Variants in CUX1 observed in about 807,000 individuals in gnomAD.
CUX1 encodes the protein protein CASP.
A neutral mutation model predicts 158.8 loss-of-function variants in CUX1; 31 were observed. That is an observed-to-expected ratio of 0.20 (90% CI 0.15 to 0.26). CUX1 has a LOEUF of 0.26. CUX1 is among the 10% of genes least tolerant of loss of function. The pLI, the probability that CUX1 is intolerant of heterozygous loss-of-function variation, is 1.00. For missense variants in CUX1, 1,589 were observed against 2,014.6 expected (o/e 0.79, Z 4.04); for synonymous variants, 879 against 862.1 (o/e 1.02, Z -0.34).
chr7:101,968,026 TC>T (rs1438336255), intron 2 of CUX1, among the ~76,000 whole-genome samples: 1 of 152,100 alleles, frequency 6.6e-6, no homozygotes, highest in African/African-American at 2.4e-5. Context: ...TGCCTCAGCC[TC>T]CCAAGTAGCT....
At chr7:102,133,692 G>T (rs1395522645) in intron 8 of CUX1, among the ~76,000 whole-genome samples, 38 of 151,930 alleles carry the variant, frequency 2.5e-4, no homozygotes, top group African/African-American at 8.7e-4. Flanking sequence ...GGCCAGGCTG[G>T]TCTTGAACTC....
At chr7:102,239,700 C>G (rs553544691) in intron 23 of CUX1, 116 bp downstream of exon 23, 1 of 1,216,566 alleles carries the variant, frequency 8.2e-7, no homozygotes, top group Non-Finnish European at 1.1e-6. Context: ...GCGCTGGGAG[C>G]TCGGTGATTG....
chr7:101,837,413 C>T (rs1324253485), intron 1 of CUX1, among the ~76,000 whole-genome samples: 1 of 152,174 alleles, frequency 6.6e-6, no homozygotes, highest in Non-Finnish European at 1.5e-5. Flanking sequence ...CTCAGTGAGT[C>T]TGTCAACTCA....
chr7:101,870,481 G>C (rs1395098807), intron 1 of CUX1, among the ~76,000 whole-genome samples: 3 of 152,116 alleles, frequency 2.0e-5, no homozygotes, highest in Non-Finnish European at 2.9e-5. Flanking sequence ...TAGTTTTAAA[G>C]AGGGGGTGGT....
chr7:102,192,664 G>A (rs1365352842), intron 12 of CUX1, among the ~76,000 whole-genome samples: 8 of 152,134 alleles, frequency 5.3e-5, no homozygotes, highest in African/African-American at 1.9e-4. Flanking sequence ...TCCAGGTGTG[G>A]TGGCTCACAC....
intron 1 of CUX1, among the ~76,000 whole-genome samples, chr7:101,820,986 G>T (rs959199212): frequency 1.3e-5 from 2 of 152,200 alleles, no homozygotes; most frequent in Non-Finnish European, 2.9e-5. Flanking sequence ...CAAAGCAGTC[G>T]TGCTGGGCGC....
chr7:101,903,788 G>A (rs975176670), intron 1 of CUX1, among the ~76,000 whole-genome samples: 7 of 151,978 alleles, frequency 4.6e-5, no homozygotes, highest in African/African-American at 1.7e-4. Context: ...GGATACATCT[G>A]GCATTTTCAT....
chr7:102,180,219 C>T (rs1554513527), intron 11 of CUX1, among the ~76,000 whole-genome samples: 1 of 151,794 alleles, frequency 6.6e-6, no homozygotes, highest in Admixed American at 6.6e-5. Context: ...GGCGGGGTTT[C>T]ACCATGTTGG....
intron 2 of CUX1, among the ~76,000 whole-genome samples, chr7:101,962,946 C>G (rs1810694758): frequency 1.3e-5 from 2 of 152,164 alleles, no homozygotes; most frequent in Admixed American, 1.3e-4. Flanking sequence ...GACTCAAACT[C>G]CTGGCCTCAA....
chr7:101,914,256 A>G (rs1045675218), intron 1 of CUX1, among the ~76,000 whole-genome samples: 1 of 147,626 alleles, frequency 6.8e-6, no homozygotes, highest in Non-Finnish European at 1.5e-5. Context: ...GTGTGGTGGT[A>G]TCTTCCCCTC....
intron 8 of CUX1, among the ~76,000 whole-genome samples, chr7:102,155,124 G>A (rs1554504771): frequency 6.6e-6 from 1 of 152,148 alleles, no homozygotes; most frequent in African/African-American, 2.4e-5. Flanking sequence ...AAACTTTTAG[G>A]GGTCTGAAAC....
chr7:101,827,327 A>T (rs957718082), intron 1 of CUX1, among the ~76,000 whole-genome samples: 1 of 129,186 alleles, frequency 7.7e-6, no homozygotes, highest in Non-Finnish European at 1.6e-5. Flanking sequence ...TCCTTTTCAG[A>T]CGGGGTCTCA....
rs75503564 is a variant in CUX1 at position 102,150,823 on chromosome 7, G to A, written c.675-7737G>A. 1.1e-3 allele frequency among the ~76,000 whole-genome samples: 160 copies of A among 152,298 alleles called. 2 individuals are homozygous for A. The East Asian group carries it at 0.026, about 25-fold the overall frequency. On this transcript the variant is annotated intron_variant, in intron 8 of 23. Coordinates refer to ENST00000292535, the MANE Select transcript of CUX1 (RefSeq NM_181552.4). ...CGAACTACATATTCTAGGCCAAACT[G>A]AAATTATTCGCTATTTGAAGTCAGA...
Position 102,249,016 on chromosome 7 carries a change from G to C in CUX1, c.4492G>C (p.Glu1498Gln). 1 of 1,389,272 alleles carries C rather than the reference G, an allele frequency of 7.2e-7. No homozygotes were observed. Among genetic ancestry groups the C allele is most frequent in the Non-Finnish European group, 9.4e-7 (1 of 1,060,126 alleles). The allele number at this position is 1,389,272 out of a possible 1,614,324, so 86.1% of individuals were successfully genotyped here. Residue 1498 changes from glutamate (E) to glutamine (Q), a missense_variant, in exon 24 of 24, where the codon GAG becomes CAG. Glu to Gln is a conservative substitution (Grantham distance 29). This residue lies in a region of CUX1 where 344 missense variants were observed against 323.7 expected (regional missense o/e 1.06). Transcript: ENST00000292535. ...IHRLEKAASR[E>Q]EPIEWEF ...CCGCCTGGAGAAGGCCGCCAGCCGG[G>C]AGGAACCTATCGAATGGGAGTTCTG...
intron 1 of CUX1, among the ~76,000 whole-genome samples, chr7:101,889,938 G>T (rs1163555676): frequency 1.3e-5 from 2 of 152,140 alleles, no homozygotes; most frequent in Admixed American, 1.3e-4. Context: ...CTGTTTTCTG[G>T]ATAACTAAGC....
intron 1 of CUX1, among the ~76,000 whole-genome samples, chr7:101,848,072 A>AAAAAAAAAAAAAAAAAAAAAAAC (rs1795889439): frequency 6.7e-6 from 1 of 150,028 alleles, no homozygotes; most frequent in African/African-American, 2.4e-5. Context: ...AAAAAAAAAA[A>AAAAAAAAAAAAAAAAAAAAAAAC]AAAGAAAAGA....
chr7:102,045,151 G>C (rs1361714124), intron 3 of CUX1, among the ~76,000 whole-genome samples: 1 of 152,234 alleles, frequency 6.6e-6, no homozygotes, highest in African/African-American at 2.4e-5. Context: ...TCGGACTGCG[G>C]CTCAACATCC....
chr7:101,860,735 C>CCCTCCCTTCCTT lies in CUX1; in HGVS notation c.30+43069_30+43070insCCCTTCCTTCCT, dbSNP rs1391687312. Among the ~76,000 whole-genome samples the CCCTCCCTTCCTT allele has an allele frequency of 1.1e-3, 96 of 90,516 alleles. 1 individual carries two copies. Among genetic ancestry groups the CCCTCCCTTCCTT allele is most frequent in the African/African-American group, 3.7e-3 (88 of 23,800 alleles). The allele number at this position is 90,516 out of a possible 152,430, so 59.4% of individuals were successfully genotyped here. ...TCTCTCTCTTTTATCTCCCCTTCCT[C>CCCTCCCTTCCTT]CCTTCCTTCCTTCCTTCCTTCCTTC... is the stretch of plus-strand genomic sequence containing the variant. On this transcript the variant is annotated intron_variant, in intron 1 of 23. Transcript: ENST00000292535.
rs185356555 is a variant in CUX1 at position 101,821,975 on chromosome 7, C to T, written c.30+4306C>T. Among the ~76,000 whole-genome samples, 390 of 151,540 alleles carry T rather than the reference C, an allele frequency of 2.6e-3. 2 individuals are homozygous for T. The highest frequency in any genetic ancestry group is 4.1e-3 in the Non-Finnish European group (281 of 67,860). On this transcript the variant is annotated intron_variant, in intron 1 of 23. Coordinates refer to ENST00000292535, the MANE Select transcript of CUX1 (RefSeq NM_181552.4). ...GTTCACGCCATTCTCCTGCCTCAGC[C>T]TCCGGAGTAGCTGGGACTACAGGCG...
Sources: allele counts gnomAD v4.1 joint callset (sites outside exome capture counted in the v4.1 genomes callset), GRCh38; gene constraint gnomAD v4.1.1; regional missense constraint gnomAD v4.1.1; transcripts MANE v1.5; gene names NCBI Gene and HGNC (gene_info 2026-07-23, HGNC 2026-07-21).